XPOT: variants seen among roughly 807,000 people sequenced by gnomAD.
XPOT encodes the protein exportin-T.
XPOT carries 34 observed loss-of-function variants against 128.2 expected under a neutral mutation model. The ratio of observed to expected loss-of-function variants is 0.27; its 90% CI spans 0.20 to 0.35. XPOT has a LOEUF of 0.35. Ranked by LOEUF, XPOT falls within the 10% of genes least tolerant of loss-of-function variation. The probability of loss-of-function intolerance (pLI) is 1.00; values close to 1 mark genes in which losing one functional copy is unlikely to be tolerated. For missense variants in XPOT, 838 were observed against 1,125.3 expected, an observed-to-expected ratio of 0.74 and a Z score of 3.65; for synonymous variants, 348 against 394.3, an observed-to-expected ratio of 0.88 and a Z score of 1.39.
Position 64,430,214 on chromosome 12 carries a change from T to C in XPOT, c.1903T>C (p.Leu635=), listed in dbSNP as rs1283615896. 1.2e-6 allele frequency: 2 copies of C among 1,613,106 alleles called. No individual in the cohort carries two copies. The highest frequency in any genetic ancestry group is 2.7e-5 in the African/African-American group (2 of 74,876). Residue 635 remains leucine (L), a synonymous_variant, in exon 17 of 25, where the codon TTG becomes CTG. Coordinates refer to ENST00000332707, the MANE Select transcript of XPOT (RefSeq NM_007235.6). Reference sequence around the variant, plus strand: ...GAAGTTTAAAATTCTGTTAGAAAAGTTGATGCTGGCACAAGATGAAGAAAG... The same window carrying C: ...GAAGTTTAAAATTCTGTTAGAAAAGCTGATGCTGGCACAAGATGAAGAAAG... ...MEKFKILLEK[L]MLAQDEERQA...
chr12:64,406,838 CCTTT>C (rs1417536041), intron 1 of XPOT, among the ~76,000 whole-genome samples: 2 of 152,052 alleles, frequency 1.3e-5, no homozygotes, highest in South Asian at 2.1e-4. Context: ...GGAACCAGTG[CCTTT>C]CTTTGTGTTT....
Position 64,448,413 on chromosome 12 carries a change from T to G in XPOT, c.*282T>G. ...CTTAATTCTTTTTTATTTGAAATTT[T>G]AAGTCAAGTCCTTTATAAAGACCAT... On this transcript the variant is annotated 3_prime_UTR_variant, in exon 25 of 25. Coordinates refer to ENST00000332707, the MANE Select transcript of XPOT (RefSeq NM_007235.6). 2.8e-6 allele frequency: 1 copy of G among 357,336 alleles called. No homozygotes were observed. The highest frequency in any genetic ancestry group is 5.1e-6 in the Non-Finnish European group (1 of 196,942). The allele number at this position is 357,336 out of a possible 1,614,324, so 22.1% of individuals were successfully genotyped here.
In XPOT at chr12:64,430,112, G is replaced by C; in HGVS notation, c.1801G>C (p.Val601Leu). The change falls in exon 17 of 25, where the codon GTG becomes CTG. Residue 601 changes from valine to leucine, a missense_variant. This residue lies in a region of XPOT where 761 missense variants were observed against 988.3 expected (regional missense o/e 0.77). Coordinates refer to ENST00000332707, the MANE Select transcript of XPOT (RefSeq NM_007235.6). ...ACTTTTTATTTATGAGACAGCTGGA[G>C]TGCTGATTGTTAATAGTGAATATCC... ...DQLFIYETAG[V>L]LIVNSEYPAE... 1 of 1,613,756 alleles carries C rather than the reference G, an allele frequency of 6.2e-7. No homozygotes were observed. Among genetic ancestry groups the C allele is most frequent in the Non-Finnish European group, 8.5e-7 (1 of 1,179,782 alleles).
intron 10 of XPOT, 67 bp from the exon 11 acceptor site, chr12:64,423,115 A>G (rs2040155793): frequency 3.8e-6 from 6 of 1,590,754 alleles, no homozygotes; most frequent in African/African-American, 1.4e-5. Flanking sequence ...AATGTAGCTT[A>G]ATTTCAAATT....
intron 9 of XPOT, 118 bp downstream of exon 9, chr12:64,421,589 TTTAC>T (rs1050096220): frequency 3.0e-6 from 2 of 673,080 alleles, no homozygotes; most frequent in African/African-American, 3.6e-5. Flanking sequence ...CCTAAAGATA[TTTAC>T]TGTTAAATAC....
chr12:64,430,168 T>C lies in XPOT; in HGVS notation c.1857T>C (p.Asn619=), dbSNP rs764798440. The C allele has an allele frequency of 8.1e-6, 13 of 1,613,790 alleles. No homozygotes were observed. In the South Asian group the frequency reaches 1.4e-4, roughly 18 times the overall value. The change falls in exon 17 of 25, where the codon AAT becomes AAC. Residue 619 remains asparagine, a synonymous_variant. Coordinates refer to ENST00000332707, the MANE Select transcript of XPOT (RefSeq NM_007235.6). ...AAAGGAAACAAGCCTTAATGAGGAA[T>C]CTGTTGACTCCACTAATGGAGAAGT... The part of the protein sequence containing the change: ...PAERKQALMR[N]LLTPLMEKFK...
chr12:64,426,413 C>G (rs1036244145), intron 15 of XPOT, among the ~76,000 whole-genome samples: 4 of 152,044 alleles, frequency 2.6e-5, no homozygotes, highest in Non-Finnish European at 5.9e-5. Context: ...AGCTGGAGGC[C>G]TTTAATCTAA....
At chr12:64,424,767 T>C (rs1265032176) in intron 12 of XPOT, 44 bp downstream of exon 12, 2 of 1,606,056 alleles carry the variant, frequency 1.2e-6, no homozygotes, top group Admixed American at 1.7e-5. Flanking sequence ...TTCTTTCTTT[T>C]GCTCTTTGAT....
intron 8 of XPOT, 44 bp downstream of exon 8, chr12:64,420,565 C>CTTT: frequency 6.8e-7 from 1 of 1,461,976 alleles, no homozygotes; most frequent in South Asian, 1.2e-5. Flanking sequence ...GTTGTTAGAA[C>CTTT]AAACTGGGAT....
chr12:64,428,561 T>TA (rs911499263), intron 16 of XPOT, among the ~76,000 whole-genome samples: 15 of 147,318 alleles, frequency 1.0e-4, no homozygotes, highest in South Asian at 4.3e-4. Flanking sequence ...AGGCTTAGGG[T>TA]AAAAAAAAAA....
intron 6 of XPOT, among the ~76,000 whole-genome samples, chr12:64,419,522 T>A (rs1227565278): frequency 6.6e-6 from 1 of 152,182 alleles, no homozygotes; most frequent in East Asian, 1.9e-4. Context: ...TTCGCCAGGC[T>A]GTGCTCAAAC....
At chr12:64,447,929 C>T (rs2040378775) in intron 24 of XPOT, among the ~76,000 whole-genome samples, 176 bp from the exon 25 acceptor site, 1 of 152,170 alleles carries the variant, frequency 6.6e-6, no homozygotes, top group Admixed American at 6.5e-5. Context: ...CTACACTTAC[C>T]AAACTCTCCA....
chr12:64,417,494 C>T (rs1475363380), intron 4 of XPOT, among the ~76,000 whole-genome samples: 1 of 149,552 alleles, frequency 6.7e-6, no homozygotes, highest in African/African-American at 2.5e-5. Flanking sequence ...GGTGCCACTG[C>T]ACTTCAGCCT....
intron 15 of XPOT, 149 bp downstream of exon 15, chr12:64,426,058 C>A (rs2040189691): frequency 1.4e-6 from 1 of 711,278 alleles, no homozygotes; most frequent in Non-Finnish European, 2.4e-6. Flanking sequence ...TGGCTCATGC[C>A]TATAATCCCA....
intron 18 of XPOT, among the ~76,000 whole-genome samples, chr12:64,432,731 CA>C (rs1398459530): frequency 6.6e-6 from 1 of 152,142 alleles, no homozygotes; most frequent in East Asian, 1.9e-4. Context: ...GTATTGAGAA[CA>C]TGCTATTAAA....
intron 22 of XPOT, among the ~76,000 whole-genome samples, chr12:64,438,240 C>CA (rs907301523): frequency 2.6e-5 from 4 of 151,846 alleles, no homozygotes; most frequent in Non-Finnish European, 5.9e-5. Context: ...CTTCAGAAAA[C>CA]AAAAAAAAGT....
intron 5 of XPOT, 118 bp from the exon 6 acceptor site, chr12:64,418,758 A>G: frequency 1.3e-6 from 1 of 768,196 alleles, no homozygotes; most frequent in African/African-American, 1.8e-5. Flanking sequence ...TATTTGTTGC[A>G]TAGTTTATCT....
intron 5 of XPOT, 69 bp downstream of exon 5, chr12:64,418,184 G>T (rs2040105344): frequency 7.6e-7 from 1 of 1,312,702 alleles, no homozygotes; most frequent in South Asian, 1.3e-5. Context: ...CAAGAGTTTG[G>T]AACTTTACCT....
chr12:64,421,719 TTG>T (rs2040140833), intron 9 of XPOT, among the ~76,000 whole-genome samples: 1 of 152,158 alleles, frequency 6.6e-6, no homozygotes, highest in Non-Finnish European at 1.5e-5. Flanking sequence ...TTTTTTTATT[TTG>T]AACCTGTCTT....
Sources: gnomAD v4.1 joint callset for allele counts (sites outside exome capture counted in the v4.1 genomes callset) on GRCh38, gnomAD v4.1.1 for gene constraint, gnomAD v4.1.1 regional missense constraint, MANE v1.5 for transcripts, NCBI Gene and HGNC (gene_info 2026-07-23, HGNC 2026-07-21) for gene names.